XYLB: variants seen among roughly 807,000 people sequenced by gnomAD.
XYLB encodes xylulose kinase.
Under a neutral mutation model 78.7 loss-of-function variants are expected in XYLB, and 62 were observed. That is an observed-to-expected ratio of 0.79 (90% CI 0.64 to 0.97). The LOEUF is 0.97. Ranked by LOEUF, XYLB falls within the 50% of genes least tolerant of loss-of-function variation. XYLB has a pLI of 0.00. For missense variants in XYLB, 687 were observed against 676.8 expected, an observed-to-expected ratio of 1.02 and a Z score of -0.17; for synonymous variants, 245 against 247.4, an observed-to-expected ratio of 0.99 and a Z score of 0.09.
downstream of XYLB, among the ~76,000 whole-genome samples, chr3:38,422,941 C>T (rs1436188521): frequency 6.6e-6 from 1 of 152,016 alleles, no homozygotes; most frequent in Non-Finnish European, 1.5e-5. Context: ...AACAAGTAAG[C>T]CAATTTGGAT....
intron 1 of XYLB, 75 bp from the exon 2 acceptor site, chr3:38,348,475 G>A (rs1705186787): frequency 7.0e-7 from 1 of 1,430,000 alleles, no homozygotes; most frequent in Non-Finnish European, 9.8e-7. Flanking sequence ...GCCTCATCTG[G>A]TGACGTTAGT....
chr3:38,393,116 A>G (rs1162932073), intron 15 of XYLB, among the ~76,000 whole-genome samples: 1 of 151,768 alleles, frequency 6.6e-6, no homozygotes, highest in Admixed American at 6.6e-5. Context: ...CAGTCCCTAT[A>G]TATACATGGG....
At chr3:38,380,385 AAG>A (rs1329216382) in intron 15 of XYLB, among the ~76,000 whole-genome samples, 4 of 152,232 alleles carry the variant, frequency 2.6e-5, no homozygotes, top group Non-Finnish European at 5.9e-5. Flanking sequence ...GGAATGGTCT[AAG>A]GGTCTGTAAG....
chr3:38,393,790 A>C (rs1439645292), intron 15 of XYLB, among the ~76,000 whole-genome samples: 6 of 152,004 alleles, frequency 3.9e-5, no homozygotes, highest in Non-Finnish European at 7.4e-5. Context: ...ATTAGGGCCC[A>C]CCCCTAATGA....
intron 18 of XYLB, among the ~76,000 whole-genome samples, chr3:38,409,262 A>T (rs1339861773): frequency 6.6e-6 from 1 of 152,222 alleles, no homozygotes; most frequent in Non-Finnish European, 1.5e-5. Context: ...AATCCAACAT[A>T]TAAACAGAAC....
the XYLB span, among the ~76,000 whole-genome samples, chr3:38,435,427 G>A: frequency 6.6e-6 from 1 of 152,104 alleles, no homozygotes; most frequent in African/African-American, 2.4e-5. Context: ...CAACATTGGA[G>A]CACCCATATT....
intron 15 of XYLB, among the ~76,000 whole-genome samples, chr3:38,387,143 G>A (rs2125628662): frequency 6.6e-6 from 1 of 152,208 alleles, no homozygotes; most frequent in South Asian, 2.1e-4. Context: ...TATCCCCTTT[G>A]TGATTCACTG....
At chr3:38,388,174 T>TTTTG (rs1559602827) in intron 15 of XYLB, among the ~76,000 whole-genome samples, 1 of 38,784 alleles carries the variant, frequency 2.6e-5, no homozygotes, top group East Asian at 1.1e-3. Flanking sequence ...TTTTTGTTTT[T>TTTTG]TTTTTTTTTT....
At chr3:38,442,423 C>T in the XYLB span, among the ~76,000 whole-genome samples, 28 of 152,266 alleles carry the variant, frequency 1.8e-4, no homozygotes, top group East Asian at 5.0e-3. Context: ...TGAGGGCTAT[C>T]CCTAAACCCT....
downstream of XYLB, among the ~76,000 whole-genome samples, chr3:38,415,206 G>A (rs770309728): frequency 6.6e-6 from 1 of 152,204 alleles, no homozygotes; most frequent in Non-Finnish European, 1.5e-5. Flanking sequence ...ACCTTTTCAA[G>A]AAACTCAAAG....
At chr3:38,409,419 C>T (rs1042520516) in intron 18 of XYLB, among the ~76,000 whole-genome samples, 50 of 152,298 alleles carry the variant, frequency 3.3e-4, no homozygotes, top group Admixed American at 2.2e-3. Context: ...GACAAACCCA[C>T]AGCCAATATC....
intron 2 of XYLB, among the ~76,000 whole-genome samples, chr3:38,359,184 C>T (rs1403840658): frequency 2.0e-5 from 3 of 152,268 alleles, no homozygotes; most frequent in Non-Finnish European, 4.4e-5. Flanking sequence ...GGAAACAAAG[C>T]ATTCTTTTCA....
At chr3:38,418,947 G>A (rs183064095), downstream of XYLB, among the ~76,000 whole-genome samples, 5 of 152,148 alleles carry the variant, frequency 3.3e-5, no homozygotes, top group Admixed American at 6.5e-5. Context: ...AAATTCAGTA[G>A]CATTAGGTAT....
At chr3:38,401,763 T>A (rs1708131360) in intron 18 of XYLB, among the ~76,000 whole-genome samples, 1 of 152,006 alleles carries the variant, frequency 6.6e-6, no homozygotes, top group Non-Finnish European at 1.5e-5. Context: ...CCAACAGCAC[T>A]CCCATCAGTT....
chr3:38,436,145 T>C, the XYLB span, among the ~76,000 whole-genome samples: 1 of 152,048 alleles, frequency 6.6e-6, no homozygotes, highest in Non-Finnish European at 1.5e-5. Flanking sequence ...AAGTTTGCTC[T>C]TCAAACAGAT....
At chr3:38,355,806 C>T in intron 2 of XYLB, 1 of 703,596 alleles carries the variant, frequency 1.4e-6, no homozygotes, top group Non-Finnish European at 2.6e-6. Flanking sequence ...TGAATGACTG[C>T]ATGGAGCAGA....
intron 4 of XYLB, among the ~76,000 whole-genome samples, chr3:38,364,610 A>T (rs1308558053): frequency 6.9e-6 from 1 of 144,182 alleles, no homozygotes; most frequent in Admixed American, 7.4e-5. Flanking sequence ...GATTCTCTGC[A>T]TGCAACACAC....
At chr3:38,379,595 C>T (rs1346541473) in intron 15 of XYLB, among the ~76,000 whole-genome samples, 1 of 152,182 alleles carries the variant, frequency 6.6e-6, no homozygotes, top group Non-Finnish European at 1.5e-5. Flanking sequence ...TTGGCCAGGA[C>T]CTGTAAGACT....
At chr3:38,371,295 CA>C (rs1355767670) in intron 9 of XYLB, among the ~76,000 whole-genome samples, 1 of 147,804 alleles carries the variant, frequency 6.8e-6, no homozygotes, top group Non-Finnish European at 1.5e-5. Context: ...TTTTTTGAGA[CA>C]GAGTCTCGCT....
Sources: gnomAD v4.1 joint callset for allele counts (sites outside exome capture counted in the v4.1 genomes callset) on GRCh38, gnomAD v4.1.1 for gene constraint, MANE v1.5 for transcripts, NCBI Gene and HGNC (gene_info 2026-07-23, HGNC 2026-07-21) for gene names.